CLIC5: variants seen among roughly 807,000 people sequenced by gnomAD.
CLIC5 encodes chloride intracellular channel protein 5.
In CLIC5, 20 loss-of-function variants were observed where a neutral mutation model predicts 24.7. The ratio of observed to expected loss-of-function variants is 0.81; its 90% CI spans 0.57 to 1.18. The LOEUF (loss-of-function observed/expected upper bound fraction) is 1.18. CLIC5 is among the 50% of genes most tolerant of loss of function. CLIC5 has a pLI of 0.00. For synonymous variants in CLIC5, 159 were observed against 135.6 expected, an observed-to-expected ratio of 1.17 and a Z score of -1.20; for missense variants, 341 against 326.1, an observed-to-expected ratio of 1.05 and a Z score of -0.35.
upstream of CLIC5, among the ~76,000 whole-genome samples, chr6:46,084,944 C>T (rs959907763): frequency 1.3e-5 from 2 of 152,308 alleles, no homozygotes; most frequent in Middle Eastern, 3.4e-3. Context: ...TTCACATAGT[C>T]CAATATTTCT....
At chr6:45,949,465 T>C (rs1040552545) in intron 2 of CLIC5, 84 bp from the exon 3 acceptor site, 2 of 1,446,140 alleles carry the variant, frequency 1.4e-6, no homozygotes. Flanking sequence ...GTAACTTAGA[T>C]GCCCTGTGCT....
intron 1 of CLIC5, among the ~76,000 whole-genome samples, chr6:45,962,358 G>C (rs2127394780): frequency 6.6e-6 from 1 of 151,842 alleles, no homozygotes; most frequent in African/African-American, 2.4e-5. Flanking sequence ...TCCAAAGGCA[G>C]CCTGCTGGCA....
intron 5 of CLIC5, among the ~76,000 whole-genome samples, chr6:45,910,841 G>A (rs753314028): frequency 1.3e-5 from 2 of 152,146 alleles, no homozygotes; most frequent in African/African-American, 2.4e-5. Flanking sequence ...AGCAAGGTTG[G>A]AGGAGGAGAA....
chr6:46,109,744 A>G, the CLIC5 span, among the ~76,000 whole-genome samples: 1 of 152,168 alleles, frequency 6.6e-6, no homozygotes, highest in Admixed American at 6.5e-5. Context: ...AGGGTAAAGT[A>G]TACTTTTGTG....
intron 1 of CLIC5, among the ~76,000 whole-genome samples, chr6:45,997,620 A>G (rs79085585): frequency 6.6e-6 from 1 of 152,334 alleles, no homozygotes; most frequent in Non-Finnish European, 1.5e-5. Context: ...ACGAATATCT[A>G]CTACATACAT....
chr6:45,964,752 A>G (rs1764963024), intron 1 of CLIC5, among the ~76,000 whole-genome samples: 1 of 152,212 alleles, frequency 6.6e-6, no homozygotes, highest in Admixed American at 6.5e-5. Flanking sequence ...AGCCATTCTA[A>G]CCAAGTCCTG....
At chr6:46,103,478 C>A in the CLIC5 span, among the ~76,000 whole-genome samples, 1 of 152,168 alleles carries the variant, frequency 6.6e-6, no homozygotes, top group East Asian at 1.9e-4. Context: ...GTCTTACTAT[C>A]TATTCTTTCT....
Position 45,945,521 on chromosome 6 carries a change from G to A in CLIC5, c.299+3735C>T, listed in dbSNP as rs112846729. 3.5e-4 allele frequency among the ~76,000 whole-genome samples: 53 copies of A among 152,210 alleles called. 1 individual carries two copies. The highest frequency in any genetic ancestry group is 1.3e-3 in the African/African-American group (53 of 41,502). ...TCTCTCTCCCTGAAGGAGCCTTGGA[G>A]GGCATGTATTCCAAAAACTACAGGA... On this transcript the variant is annotated intron_variant, in intron 3 of 5. Coordinates refer to ENST00000339561, the MANE Select transcript of CLIC5 (RefSeq NM_016929.5).
intron 1 of CLIC5, among the ~76,000 whole-genome samples, chr6:45,984,191 A>G (rs539070170): frequency 1.3e-5 from 2 of 152,356 alleles, no homozygotes; most frequent in South Asian, 4.1e-4. Flanking sequence ...TGGGATTAAA[A>G]GACAAATAAA....
chr6:45,891,615 C>G (rs1762348071), intron 6 of CLIC5, among the ~76,000 whole-genome samples: 1 of 133,960 alleles, frequency 7.5e-6, no homozygotes, highest in Admixed American at 7.8e-5. Flanking sequence ...AGCCTGGTGA[C>G]AGAGCAAGAT....
chr6:45,956,477 T>G (rs1039580670), intron 1 of CLIC5, among the ~76,000 whole-genome samples: 6 of 151,940 alleles, frequency 3.9e-5, no homozygotes, highest in African/African-American at 9.6e-5. Flanking sequence ...TGAGTTTTTT[T>G]TTTTTTTTTT....
At chr6:45,974,875 C>T (rs1765334995) in intron 1 of CLIC5, among the ~76,000 whole-genome samples, 1 of 152,042 alleles carries the variant, frequency 6.6e-6, no homozygotes, top group Admixed American at 6.6e-5. Flanking sequence ...TCCACAGCAC[C>T]AAGTGGGGCA....
chr6:46,000,489 T>C (rs939552832), intron 1 of CLIC5, among the ~76,000 whole-genome samples: 1 of 152,198 alleles, frequency 6.6e-6, no homozygotes, highest in Non-Finnish European at 1.5e-5. Flanking sequence ...AGCAGAGCCA[T>C]GCATGGATGG....
intron 1 of CLIC5, among the ~76,000 whole-genome samples, chr6:46,011,213 G>A (rs1192966142): frequency 6.6e-6 from 1 of 152,218 alleles, no homozygotes; most frequent in African/African-American, 2.4e-5. Context: ...GGGCTTAATA[G>A]TTCGTCAGCA....
In CLIC5 at chr6:45,914,308, C is replaced by A; in HGVS notation, c.508G>T (p.Gly170Trp). Residue 170 changes from glycine to tryptophan, a missense_variant, in exon 5 of 6, where the codon GGG becomes TGG. By Grantham distance (184) the Gly-to-Trp change is radical. Transcript: ENST00000339561. Reference protein sequence around the residue: ...IDANTCGEDKGSRRKFLDGDE... With the variant: ...IDANTCGEDKWSRRKFLDGDE... ...CCATCCAGGAACTTGCGCCGGGACC[C>A]CTTGTCTTCCCCACAAGTGTTGGCG... is the stretch of plus-strand genomic sequence containing the variant. The A allele has an allele frequency of 6.2e-7, 1 of 1,607,058 alleles. No individual in the cohort carries two copies. The highest frequency in any genetic ancestry group is 8.5e-7 in the Non-Finnish European group (1 of 1,175,332).
At chr6:46,129,667 C>G in the CLIC5 span, 1 of 152,248 alleles carries the variant, frequency 6.6e-6, no homozygotes. Flanking sequence ...GCCACCTAAG[C>G]TGCCAGGTGC....
chr6:46,102,317 G>A, the CLIC5 span, among the ~76,000 whole-genome samples: 5 of 152,310 alleles, frequency 3.3e-5, no homozygotes, highest in African/African-American at 1.2e-4. Flanking sequence ...GGGCCTGCCT[G>A]TCTAGACTCA....
At chr6:46,031,176 G>T (rs1447212296) in intron 1 of CLIC5, among the ~76,000 whole-genome samples, 1 of 152,130 alleles carries the variant, frequency 6.6e-6, no homozygotes, top group East Asian at 1.9e-4. Context: ...TCCAGTTCTT[G>T]AAGTTCTTAT....
chr6:46,116,531 G>A, the CLIC5 span, among the ~76,000 whole-genome samples: 1 of 152,164 alleles, frequency 6.6e-6, no homozygotes, highest in South Asian at 2.1e-4. Flanking sequence ...TCGAATGAAT[G>A]AGAAGCTTTA....
Sources: allele counts gnomAD v4.1 joint callset (sites outside exome capture counted in the v4.1 genomes callset), GRCh38; gene constraint gnomAD v4.1.1; transcripts MANE v1.5; gene names NCBI Gene and HGNC (gene_info 2026-07-23, HGNC 2026-07-21).